Variants in SPATA13 observed in about 807,000 individuals in gnomAD.
SPATA13 encodes spermatogenesis associated 13, also known as spermatogenesis-associated protein 13.
Under a neutral mutation model 104.0 loss-of-function variants are expected in SPATA13, and 50 were observed. That is an observed-to-expected ratio of 0.48 (90% confidence interval 0.38 to 0.61). SPATA13 has a LOEUF of 0.61. Ranked by LOEUF, SPATA13 falls within the 20% of genes least tolerant of loss-of-function variation. The pLI, the probability that SPATA13 is intolerant of heterozygous loss-of-function variation, is 0.00. For missense variants in SPATA13, 1,524 were observed against 1,690.6 expected (o/e 0.90, Z 1.73); for synonymous variants, 606 against 667.5 (o/e 0.91, Z 1.42).
intron 3 of SPATA13, among the ~76,000 whole-genome samples, chr13:24,112,378 A>G (rs1035425178): frequency 1.1e-4 from 16 of 152,318 alleles, no homozygotes; most frequent in African/African-American, 3.4e-4. Flanking sequence ...TGCTCCCCAC[A>G]TTGTATGACA....
chr13:24,283,453 A>G (rs1875696614), intron 4 of SPATA13, among the ~76,000 whole-genome samples: 1 of 152,230 alleles, frequency 6.6e-6, no homozygotes, highest in African/African-American at 2.4e-5. Context: ...CATGAGTCTG[A>G]AAGAAGAGAC....
Position 24,284,196 on chromosome 13 carries a change from C to T in SPATA13, c.2226C>T (p.Asp742=). The change falls in exon 5 of 13, where the codon GAC becomes GAT. Residue 742 remains aspartate, a synonymous_variant. Coordinates refer to ENST00000382108, the MANE Select transcript of SPATA13 (RefSeq NM_001166271.3). ...TGGATGACAACGGTAGTGAGGAGGA[C>T]TTCAGCTATGAAGACCTCTGCCAGG... ...ALVDDNGSEE[D]FSYEDLCQAS... 6.2e-7 allele frequency: 1 copy of T among 1,613,900 alleles called. No homozygotes were observed. The highest frequency in any genetic ancestry group is 2.2e-5 in the East Asian group (1 of 44,892).
At chr13:24,208,326 T>C (rs543972759) in intron 1 of SPATA13, among the ~76,000 whole-genome samples, 1 of 152,360 alleles carries the variant, frequency 6.6e-6, no homozygotes, top group African/African-American at 2.4e-5. Flanking sequence ...ATATTCCTGT[T>C]AATTAGATGC....
chr13:24,209,125 A>G (rs1447960581), intron 1 of SPATA13, among the ~76,000 whole-genome samples: 1 of 152,282 alleles, frequency 6.6e-6, no homozygotes, highest in East Asian at 1.9e-4. Context: ...GATAGACATC[A>G]TGAGCCTCTG....
intron 3 of SPATA13, among the ~76,000 whole-genome samples, chr13:24,062,975 G>A (rs1386135372): frequency 6.6e-6 from 1 of 152,144 alleles, no homozygotes; most frequent in Non-Finnish European, 1.5e-5. Context: ...GTGCCCCTGG[G>A]GGTTTGTGGG....
chr13:24,304,429 A>G lies in SPATA13; in HGVS notation c.*1656A>G, dbSNP rs1877435243. On this transcript the variant is annotated 3_prime_UTR_variant, in exon 13 of 13. Coordinates refer to ENST00000382108, the MANE Select transcript of SPATA13 (RefSeq NM_001166271.3). ...TAAACTGTTAATGGATATCTATATG[A>G]GAAGCTCATTTTTGTATGCTATCCC... is the stretch of plus-strand genomic sequence containing the variant. The G allele has an allele frequency of 6.6e-6, 1 of 151,948 alleles. No individual in the cohort carries two copies. Among genetic ancestry groups the G allele is most frequent in the Admixed American group, 6.5e-5 (1 of 15,268 alleles). The allele number at this position is 151,948 out of a possible 1,614,324, so 9.4% of individuals were successfully genotyped here. A position where few individuals can be genotyped will look rare whatever the true frequency, so the allele number is the denominator to read the frequency against.
In SPATA13 at chr13:24,286,963, G is replaced by A. The variant is rs772813072; in HGVS notation, c.2667+13G>A. 6.2e-7 allele frequency: 1 copy of A among 1,610,118 alleles called. No individual in the cohort carries two copies. Among genetic ancestry groups the A allele is most frequent in the Non-Finnish European group, 8.5e-7 (1 of 1,177,566 alleles). ...GGACATCTGTGAGGTGGGACGCCAG[G>A]CTGGGACCTCACTGAGGGTCACAGT... On this transcript the variant is annotated intron_variant, in intron 7 of 12. Coordinates refer to ENST00000382108, the MANE Select transcript of SPATA13 (RefSeq NM_001166271.3). This position sits in a 1 kb window ranked among gnomAD's most constrained non-coding sequence, Gnocchi z 4.9.
chr13:24,259,790 G>T (rs1019925977), intron 4 of SPATA13, among the ~76,000 whole-genome samples: 6 of 151,972 alleles, frequency 3.9e-5, no homozygotes, highest in African/African-American at 1.5e-4. Context: ...TTCTGAATTG[G>T]ATTTTATTTT....
chr13:24,215,181 G>C (rs1044944008), intron 1 of SPATA13, among the ~76,000 whole-genome samples: 3 of 152,196 alleles, frequency 2.0e-5, no homozygotes, highest in Non-Finnish European at 4.4e-5. Context: ...CCTCTGGCTT[G>C]GTTCATTGGT....
In SPATA13 at chr13:24,014,157, G is replaced by A. The variant is rs564300579; in HGVS notation, c.-146-3510G>A. Among the ~76,000 whole-genome samples, 21 of 152,262 alleles carry A rather than the reference G, an allele frequency of 1.4e-4. No homozygotes were observed. In the South Asian group the frequency reaches 3.1e-3, roughly 23 times the overall value. ...CCTTTTGCAGGTGCCAGGGAAGGTC[G>A]GGGCCCAGCCCTTCTCCCAGTTCTT... On this transcript the variant is annotated intron_variant, in intron 2 of 14. Transcript: ENST00000424834.
chr13:24,106,970 T>A (rs1163736128), intron 3 of SPATA13, among the ~76,000 whole-genome samples: 1 of 151,922 alleles, frequency 6.6e-6, no homozygotes, highest in Non-Finnish European at 1.5e-5. Flanking sequence ...AATTGACTGA[T>A]AGGATTCTAG....
chr13:24,146,689 T>A (rs1384625649), intron 3 of SPATA13, among the ~76,000 whole-genome samples: 1 of 152,206 alleles, frequency 6.6e-6, no homozygotes, highest in Non-Finnish European at 1.5e-5. Flanking sequence ...AGGTTAGAGA[T>A]ATGTGAATGC....
Position 24,284,201 on chromosome 13 carries a change from G to A in SPATA13, c.2231G>A (p.Ser744Asn). ...GACAACGGTAGTGAGGAGGACTTCAGCTATGAAGACCTCTGCCAGGCCAGC... is the reference window on the plus strand; with the variant it reads ...GACAACGGTAGTGAGGAGGACTTCAACTATGAAGACCTCTGCCAGGCCAGC... ...VDDNGSEEDF[S>N]YEDLCQASPR... Residue 744 changes from serine to asparagine, a missense_variant, in exon 5 of 13, where the codon AGC (serine) becomes AAC (asparagine). Physicochemically the swap from Ser to Asn is conservative, Grantham distance 46 (BLOSUM62 1). Coordinates refer to ENST00000382108, the MANE Select transcript of SPATA13 (RefSeq NM_001166271.3). The A allele has an allele frequency of 6.2e-7, 1 of 1,613,788 alleles. No homozygotes were observed. Among genetic ancestry groups the A allele is most frequent in the Non-Finnish European group, 8.5e-7 (1 of 1,179,878 alleles).
At chr13:24,290,965 G>A in intron 9 of SPATA13, 81 bp downstream of exon 9, 1 of 1,165,678 alleles carries the variant, frequency 8.6e-7, no homozygotes, top group Non-Finnish European at 1.2e-6. Flanking sequence ...GGCAGTGATA[G>A]GTGGGCTTCA....
At chr13:24,159,102 A>G (rs1882354196), upstream of SPATA13, among the ~76,000 whole-genome samples, 1 of 101,654 alleles carries the variant, frequency 9.8e-6, no homozygotes, top group Admixed American at 8.9e-5. Context: ...TAAAGAGATA[A>G]TAAAAAAACC....
intron 3 of SPATA13, among the ~76,000 whole-genome samples, chr13:24,063,947 C>A: frequency 6.6e-6 from 1 of 152,172 alleles, no homozygotes; most frequent in East Asian, 1.9e-4. Flanking sequence ...TGCCTCCTTT[C>A]TGAGGGGCTG....
chr13:24,197,636 A>C lies in SPATA13; in HGVS notation c.-111-25183A>C, dbSNP rs1281216014. 5.3e-5 allele frequency among the ~76,000 whole-genome samples: 8 copies of C among 152,328 alleles called. No homozygotes were observed. In the East Asian group the frequency reaches 1.5e-3, roughly 29 times the overall value. ...GAAGATTAACCTATAACTTACCTCTAATTAGTAGTAAATAGCAGGTCAAAA... is the reference window on the plus strand; with the variant it reads ...GAAGATTAACCTATAACTTACCTCTCATTAGTAGTAAATAGCAGGTCAAAA... On this transcript the variant is annotated intron_variant, in intron 1 of 12. Transcript: ENST00000382108.
intron 1 of SPATA13, among the ~76,000 whole-genome samples, chr13:24,184,103 T>TA (rs1394161352): frequency 6.6e-6 from 1 of 152,114 alleles, no homozygotes; most frequent in Non-Finnish European, 1.5e-5. Flanking sequence ...GTAACAGAGC[T>TA]ATGAGGGCTT....
At chr13:24,162,006 T>G (rs879686183) in intron 1 of SPATA13, among the ~76,000 whole-genome samples, 1 of 152,080 alleles carries the variant, frequency 6.6e-6, no homozygotes, top group Non-Finnish European at 1.5e-5. Context: ...CAAATTCTCC[T>G]TTTTTCCTAA....
Sources: gnomAD v4.1 joint callset for allele counts (sites outside exome capture counted in the v4.1 genomes callset) on GRCh38, gnomAD v4.1.1 for gene constraint, Gnocchi (gnomAD v3.1) non-coding constraint, MANE v1.5 for transcripts, NCBI Gene and HGNC (gene_info 2026-07-23, HGNC 2026-07-21) for gene names.